Variants in TENM2 observed in about 807,000 individuals in gnomAD.
The protein encoded by TENM2 is teneurin transmembrane protein 2.
Under a neutral mutation model 245.2 loss-of-function variants are expected in TENM2, and 52 were observed. That is an observed-to-expected ratio of 0.21 (90% CI 0.17 to 0.27). TENM2 has a LOEUF of 0.27. Among genes scored for constraint, TENM2 ranks in the 10% least tolerant of loss-of-function variants. The pLI is 1.00. For missense variants in TENM2, 3,046 were observed against 3,666.8 expected (o/e 0.83, Z 4.37); for synonymous variants, 1,363 against 1,438.9 (o/e 0.95, Z 1.19).
chr5:167,908,975 G>A (rs1317415229), intron 3 of TENM2, among the ~76,000 whole-genome samples: 2 of 151,702 alleles, frequency 1.3e-5, no homozygotes, highest in Non-Finnish European at 2.9e-5. Flanking sequence ...TATTTTAGTG[G>A]TTATGCATGA....
At chr5:167,259,023 G>T in the TENM2 span, among the ~76,000 whole-genome samples, 80 of 152,288 alleles carry the variant, frequency 5.3e-4, no homozygotes, top group African/African-American at 1.9e-3. Context: ...TAAACACAGA[G>T]TGCAGGGTCC....
intron 2 of TENM2, among the ~76,000 whole-genome samples, chr5:167,437,559 G>A (rs951776201): frequency 1.3e-5 from 2 of 152,160 alleles, no homozygotes; most frequent in African/African-American, 2.4e-5. Context: ...GTTTTGGAAT[G>A]TGAGGACATG....
At chr5:168,133,049 G>C (rs1165184226) in intron 12 of TENM2, among the ~76,000 whole-genome samples, 1 of 152,116 alleles carries the variant, frequency 6.6e-6, no homozygotes, top group Non-Finnish European at 1.5e-5. Flanking sequence ...GTATATCCTG[G>C]AGCAAGTCAC....
chr5:167,298,292 T>C (rs528718057), intron 1 of TENM2, among the ~76,000 whole-genome samples: 68 of 152,278 alleles, frequency 4.5e-4, no homozygotes, highest in Admixed American at 1.5e-3. Context: ...GGCCTGGATA[T>C]GGTTTTGTAT....
At chr5:168,229,060 A>ATGTATAATTATATGTATAATTAT (rs1318268429) in intron 25 of TENM2, among the ~76,000 whole-genome samples, 2 of 148,128 alleles carry the variant, frequency 1.4e-5, no homozygotes, top group Non-Finnish European at 3.0e-5. Flanking sequence ...TATATAATTA[A>ATGTATAATTATATGTATAATTAT]TGTATAATTA....
chr5:167,525,068 G>A (rs888272720), intron 2 of TENM2, among the ~76,000 whole-genome samples: 16 of 152,008 alleles, frequency 1.1e-4, no homozygotes, highest in Non-Finnish European at 2.4e-4. Flanking sequence ...TTGATGAGCA[G>A]TTTCTGTGTT....
At chr5:168,234,070 C>T (rs2065536534) in intron 25 of TENM2, among the ~76,000 whole-genome samples, 1 of 152,072 alleles carries the variant, frequency 6.6e-6, no homozygotes, top group Non-Finnish European at 1.5e-5. Context: ...TCACAGCCCC[C>T]TTCCATCCCA....
intron 12 of TENM2, among the ~76,000 whole-genome samples, chr5:168,143,832 C>G (rs187872770): frequency 0.011 from 1,558 of 139,436 alleles, 38 homozygotes; most frequent in African/African-American, 0.039. Context: ...AGAAATTTGT[C>G]TACTACACTT....
At chr5:167,846,338 G>GTGTT (rs1254065530) in intron 2 of TENM2, among the ~76,000 whole-genome samples, 1 of 152,216 alleles carries the variant, frequency 6.6e-6, no homozygotes, top group African/African-American at 2.4e-5. Flanking sequence ...TTAGAAAAGT[G>GTGTT]CTCAGTCCAG....
the TENM2 span, among the ~76,000 whole-genome samples, chr5:167,223,140 G>C: frequency 6.6e-6 from 1 of 152,158 alleles, no homozygotes. Context: ...GTACTTAAGA[G>C]TGTCCATCAC....
intron 2 of TENM2, among the ~76,000 whole-genome samples, chr5:167,829,745 C>T (rs895831685): frequency 1.3e-5 from 2 of 152,056 alleles, no homozygotes; most frequent in Non-Finnish European, 2.9e-5. Flanking sequence ...AGTGTTGGAG[C>T]CTGGATTAGA....
At chr5:167,084,350 TATATATATATATATATAC>T in the TENM2 span, among the ~76,000 whole-genome samples, 3 of 106,352 alleles carry the variant, frequency 2.8e-5, no homozygotes, top group South Asian at 6.0e-4. Flanking sequence ...TATATATATA[TATATATATATATATATAC>T]AGATCAGATT....
intron 1 of TENM2, among the ~76,000 whole-genome samples, chr5:167,315,184 C>T (rs1434244757): frequency 1.3e-5 from 2 of 151,998 alleles, no homozygotes; most frequent in African/African-American, 4.8e-5. Flanking sequence ...CATTATCAAA[C>T]TGCTTATCAA....
At chr5:166,985,065 G>GA in the TENM2 span, among the ~76,000 whole-genome samples, 1 of 151,854 alleles carries the variant, frequency 6.6e-6, no homozygotes, top group Non-Finnish European at 1.5e-5. Flanking sequence ...GTTCCTTTTT[G>GA]AAAAAAATAC....
At chr5:168,097,362 G>A (rs867803224) in intron 8 of TENM2, among the ~76,000 whole-genome samples, 5 of 152,138 alleles carry the variant, frequency 3.3e-5, no homozygotes, top group African/African-American at 7.2e-5. Context: ...ACATTTAAAC[G>A]TGGGAGCTTT....
At chr5:168,261,895 A>G (rs1169268748) in intron 28 of TENM2, among the ~76,000 whole-genome samples, 154 bp from the exon 31 acceptor site, 2 of 152,222 alleles carry the variant, frequency 1.3e-5, no homozygotes, top group African/African-American at 4.8e-5. Context: ...CCAGCCAACC[A>G]TAGTTCCAAA....
intron 2 of TENM2, among the ~76,000 whole-genome samples, chr5:167,519,653 A>G (rs986235916): frequency 2.0e-5 from 3 of 152,172 alleles, no homozygotes; most frequent in Non-Finnish European, 4.4e-5. Context: ...TATACCTCTA[A>G]CTAAAGCATG....
intron 2 of TENM2, among the ~76,000 whole-genome samples, chr5:167,638,551 G>A (rs1233651236): frequency 6.6e-6 from 1 of 152,174 alleles, no homozygotes; most frequent in East Asian, 1.9e-4. Flanking sequence ...TTACCAAGAA[G>A]GATTAGAAGA....
intron 2 of TENM2, among the ~76,000 whole-genome samples, chr5:167,561,450 A>C (rs1159323644): frequency 2.6e-5 from 4 of 152,224 alleles, no homozygotes. Flanking sequence ...GAAGAGGAGA[A>C]GGCTGAACTT....
Sources: allele counts gnomAD v4.1 joint callset (sites outside exome capture counted in the v4.1 genomes callset), GRCh38; gene constraint gnomAD v4.1.1; transcripts MANE v1.5; gene names NCBI Gene and HGNC (gene_info 2026-07-23, HGNC 2026-07-21).